Variants in ANKS1B observed in about 807,000 individuals in gnomAD.
ANKS1B encodes ankyrin repeat and sterile alpha motif domain-containing protein 1B.
A neutral mutation model predicts 148.3 loss-of-function variants in ANKS1B; 36 were observed. That is an observed-to-expected ratio of 0.24 (90% CI 0.19 to 0.32). The LOEUF is 0.32. Among genes scored for constraint, ANKS1B ranks in the 10% least tolerant of loss-of-function variants. The pLI, the probability that ANKS1B is intolerant of heterozygous loss-of-function variation, is 1.00. For missense variants in ANKS1B, 1,157 were observed against 1,542.6 expected (o/e 0.75, Z 4.19); for synonymous variants, 542 against 560.8 (o/e 0.97, Z 0.47).
intron 8 of ANKS1B, among the ~76,000 whole-genome samples, chr12:99,752,248 G>GC (rs1362498788): frequency 6.6e-6 from 1 of 151,774 alleles, no homozygotes; most frequent in Non-Finnish European, 1.5e-5. Context: ...TATCTGTCAG[G>GC]CAACATCCCA....
rs369041325 is a variant in ANKS1B at position 99,608,293 on chromosome 12, T to C, written c.1272+46774A>G. Among the ~76,000 whole-genome samples the C allele has an allele frequency of 1.7e-3, 259 of 152,182 alleles. 10 individuals carry two copies. In the South Asian group the frequency reaches 0.046, roughly 27 times the overall value. ...TCAAGTGCGCAAACCATGCACACCA[T>C]CAAATTGTGGCTTTGGCTCCGAAAT... On this transcript the variant is annotated intron_variant, in intron 9 of 26. Coordinates refer to ENST00000683438, the MANE Select transcript of ANKS1B (RefSeq NM_001352186.2).
intron 24 of ANKS1B, among the ~76,000 whole-genome samples, chr12:98,775,420 A>T (rs1250051804): frequency 6.6e-6 from 1 of 151,822 alleles, no homozygotes; most frequent in East Asian, 1.9e-4. Context: ...CTGACCCCTG[A>T]ATTTTCTGGA....
At position 99,918,595 on chromosome 12, in the gene ANKS1B, C is replaced by T. The variant is rs527392397; in HGVS notation, c.134+65509G>A. On this transcript the variant is annotated intron_variant, in intron 1 of 26. Transcript: ENST00000683438. ...ACCCTGGGCAGTCTCATCTAGAGTC[C>T]TTGCTTTCAACCTCTACTCTAAATT... Among the ~76,000 whole-genome samples, 136 of 152,234 alleles carry T rather than the reference C, an allele frequency of 8.9e-4. 2 individuals carry two copies. Among genetic ancestry groups the T allele is most frequent in the African/African-American group, 2.9e-3 (121 of 41,522 alleles).
chr12:99,452,514 T>C (rs776654200), intron 10 of ANKS1B, among the ~76,000 whole-genome samples: 1 of 152,190 alleles, frequency 6.6e-6, no homozygotes, highest in African/African-American at 2.4e-5. Context: ...GCTCATTAAA[T>C]AGATAAATAA....
chr12:99,281,177 C>T (rs1007827421), intron 12 of ANKS1B, among the ~76,000 whole-genome samples: 3 of 152,144 alleles, frequency 2.0e-5, no homozygotes, highest in Non-Finnish European at 4.4e-5. Flanking sequence ...CTTCATTGTA[C>T]TGCAACATGA....
chr12:99,489,459 T>G (rs916700929), intron 10 of ANKS1B, among the ~76,000 whole-genome samples: 1 of 152,184 alleles, frequency 6.6e-6, no homozygotes, highest in South Asian at 2.1e-4. Context: ...AGAATACATA[T>G]TTTTGAGCTA....
At chr12:98,908,859 T>C (rs1021610113) in intron 17 of ANKS1B, among the ~76,000 whole-genome samples, 15 of 152,166 alleles carry the variant, frequency 9.9e-5, no homozygotes, top group Admixed American at 9.8e-4. Flanking sequence ...TTGAATGGGG[T>C]TCTAAACAAA....
Position 99,747,031 on chromosome 12 carries a change from T to C in ANKS1B, c.1128+25891A>G, listed in dbSNP as rs1258647976. 2.0e-5 allele frequency among the ~76,000 whole-genome samples: 3 copies of C among 152,030 alleles called. No individual in the cohort carries two copies. In the South Asian group the frequency reaches 6.2e-4, roughly 32 times the overall value. ...ATTCTAATTTCTTTCATATACCCCA[T>C]ATTCCCTATATTCTTCACACTCCCA... On this transcript the variant is annotated intron_variant, in intron 8 of 26. Transcript: ENST00000683438.
Position 98,948,831 on chromosome 12 carries a change from C to T in ANKS1B, c.2778+104326G>A, listed in dbSNP as rs531458241. ...ATTAAGCAACAGGCTCAAGAGCACA[C>T]GGGTAGTAACTCTCAAATAGTAAGA... On this transcript the variant is annotated intron_variant, in intron 17 of 26. Coordinates refer to ENST00000683438, the MANE Select transcript of ANKS1B (RefSeq NM_001352186.2). Among the ~76,000 whole-genome samples the T allele has an allele frequency of 1.9e-4, 28 of 150,848 alleles. 1 individual carries two copies. The highest frequency in any genetic ancestry group is 1.5e-3 in the Admixed American group (23 of 15,140).
At chr12:99,035,290 C>T (rs1199662759) in intron 17 of ANKS1B, among the ~76,000 whole-genome samples, 1 of 152,194 alleles carries the variant, frequency 6.6e-6, no homozygotes, top group Non-Finnish European at 1.5e-5. Context: ...GAGAAATTAT[C>T]TGACTTACCT....
chr12:99,569,732 T>C (rs1321239623), intron 9 of ANKS1B, among the ~76,000 whole-genome samples: 1 of 152,110 alleles, frequency 6.6e-6, no homozygotes, highest in Non-Finnish European at 1.5e-5. Flanking sequence ...ATGACTTGCC[T>C]CCAGTGACTG....
Position 99,143,031 on chromosome 12 carries a change from CTT to C in ANKS1B, c.2526+11256_2526+11257del, listed in dbSNP as rs572195302. Among the ~76,000 whole-genome samples the C allele has an allele frequency of 1.8e-4, 28 of 152,232 alleles. No individual in the cohort carries two copies. The South Asian group carries it at 3.1e-3, about 17-fold the overall frequency. Reference sequence around the variant, plus strand: ...TATAATATAACTTCTGTCAAATAAACTTGAGATACATTTGTTTCTAGTCCTCA... The same window carrying C: ...TATAATATAACTTCTGTCAAATAAACGAGATACATTTGTTTCTAGTCCTCA... On this transcript the variant is annotated intron_variant, in intron 15 of 26. Coordinates refer to ENST00000683438, the MANE Select transcript of ANKS1B (RefSeq NM_001352186.2).
chr12:99,003,142 A>G (rs747554757), intron 17 of ANKS1B, among the ~76,000 whole-genome samples: 1 of 152,154 alleles, frequency 6.6e-6, no homozygotes, highest in African/African-American at 2.4e-5. Flanking sequence ...TCAATTGATC[A>G]TATATACGTG....
exon 10 of ANKS1B, chr12:98,735,532 T>G: frequency 1.4e-6 from 1 of 738,804 alleles, no homozygotes; most frequent in Non-Finnish European, 2.6e-6. Context: ...TATTTAGGCT[T>G]TATCAGCTAT....
chr12:99,656,659 G>A (rs898796530), intron 8 of ANKS1B, among the ~76,000 whole-genome samples: 1 of 152,000 alleles, frequency 6.6e-6, no homozygotes, highest in Admixed American at 6.6e-5. Context: ...TAAGAGTAGA[G>A]ATGGGAGGGT....
intron 9 of ANKS1B, among the ~76,000 whole-genome samples, chr12:99,507,898 G>T (rs1009374851): frequency 1.3e-4 from 20 of 151,608 alleles, no homozygotes. Context: ...ATTGAAACCT[G>T]TCCCCCAACC....
intron 15 of ANKS1B, among the ~76,000 whole-genome samples, chr12:99,139,077 C>A (rs1476675306): frequency 1.3e-5 from 2 of 149,576 alleles, no homozygotes; most frequent in Non-Finnish European, 3.0e-5. Flanking sequence ...TCAGAGTTCA[C>A]TGAAGCCTTG....
chr12:99,910,993 A>AAAGTCACC (rs1347920795), intron 1 of ANKS1B, among the ~76,000 whole-genome samples: 2 of 152,228 alleles, frequency 1.3e-5, no homozygotes, highest in Non-Finnish European at 2.9e-5. Flanking sequence ...AAAACCTTAC[A>AAAGTCACC]AAGTCACCAA....
At chr12:99,592,264 T>A (rs2097710393) in intron 9 of ANKS1B, among the ~76,000 whole-genome samples, 1 of 152,164 alleles carries the variant, frequency 6.6e-6, no homozygotes, top group African/African-American at 2.4e-5. Flanking sequence ...TTTTGCCAGC[T>A]ACAAACATGT....
Sources: allele counts gnomAD v4.1 joint callset (sites outside exome capture counted in the v4.1 genomes callset), GRCh38; gene constraint gnomAD v4.1.1; transcripts MANE v1.5; gene names NCBI Gene and HGNC (gene_info 2026-07-23, HGNC 2026-07-21).